Variants in USP25 observed in about 807,000 individuals in gnomAD.
USP25 encodes the protein ubiquitin carboxyl-terminal hydrolase 25.
In USP25, 85 loss-of-function variants were observed where a neutral mutation model predicts 158.5. That is an observed-to-expected ratio of 0.54 (90% CI 0.45 to 0.64). The LOEUF (loss-of-function observed/expected upper bound fraction) is 0.64, where lower values mean the gene tolerates loss of function less well. USP25 is among the 30% of genes least tolerant of loss of function. The pLI is 0.00. For synonymous variants in USP25, 464 were observed against 460.4 expected, an observed-to-expected ratio of 1.01 and a Z score of -0.10; for missense variants, 1,242 against 1,327.3, an observed-to-expected ratio of 0.94 and a Z score of 1.00.
At chr21:15,771,169 G>A (rs900191064) in intron 3 of USP25, among the ~76,000 whole-genome samples, 1 of 152,164 alleles carries the variant, frequency 6.6e-6, no homozygotes, top group East Asian at 1.9e-4. Flanking sequence ...AGGAAAGACA[G>A]TACACAGTAA....
chr21:15,836,524 A>T (rs1334337229), intron 17 of USP25, among the ~76,000 whole-genome samples: 1 of 148,820 alleles, frequency 6.7e-6, no homozygotes, highest in Admixed American at 6.7e-5. Context: ...GATCAGAATG[A>T]GTAGGGGAGC....
intron 20 of USP25, among the ~76,000 whole-genome samples, chr21:15,861,676 ATAGT>A (rs962371820): frequency 5.3e-5 from 8 of 152,166 alleles, no homozygotes; most frequent in East Asian, 3.8e-4. Context: ...TGTGTAAAAA[ATAGT>A]TAAGGAATGC....
At position 15,818,813 on chromosome 21, in the gene USP25, A is replaced by G. The variant is rs912501422; in HGVS notation, c.1047A>G (p.Leu349=). Reference sequence around the variant, plus strand: ...TGATTGAAGGAGAAATTGAGTCTTTACATTCAGAGAATTCAGGAAAATCAG... The same window carrying G: ...TGATTGAAGGAGAAATTGAGTCTTTGCATTCAGAGAATTCAGGAAAATCAG... ...AAMIEGEIES[L]HSENSGKSGQ... Residue 349 remains leucine (L), a synonymous_variant, in exon 10 of 26, where the codon TTA becomes TTG. Coordinates refer to ENST00000400183, the MANE Select transcript of USP25 (RefSeq NM_001283041.3). The G allele has an allele frequency of 6.2e-7, 1 of 1,613,880 alleles. No homozygotes were observed. The highest frequency in any genetic ancestry group is 8.5e-7 in the Non-Finnish European group (1 of 1,179,786).
intron 3 of USP25, among the ~76,000 whole-genome samples, chr21:15,777,667 A>G (rs947202825): frequency 2.6e-5 from 4 of 152,206 alleles, no homozygotes; most frequent in Non-Finnish European, 5.9e-5. Flanking sequence ...AGATTCTTCT[A>G]CAGTGAAATA....
chr21:15,876,540 C>T (rs2040103937), intron 24 of USP25: 1 of 166,752 alleles, frequency 6.0e-6, no homozygotes, highest in South Asian at 1.9e-4. Context: ...ACCTTCATCA[C>T]ATGGTGGCAG....
intron 1 of USP25, among the ~76,000 whole-genome samples, chr21:15,735,338 C>G (rs147037039): frequency 2.5e-4 from 38 of 152,248 alleles, no homozygotes; most frequent in African/African-American, 9.1e-4. Flanking sequence ...TGTACAGTCT[C>G]ATTTTGGTCA....
At chr21:15,815,746 A>G (rs1173737292) in intron 9 of USP25, among the ~76,000 whole-genome samples, 1 of 152,200 alleles carries the variant, frequency 6.6e-6, no homozygotes, top group East Asian at 1.9e-4. Context: ...TCAGTGTTAC[A>G]GTTTTTAGGT....
At chr21:15,757,224 TAACTTA>T (rs961776568) in intron 1 of USP25, among the ~76,000 whole-genome samples, 4 of 152,208 alleles carry the variant, frequency 2.6e-5, no homozygotes, top group African/African-American at 4.8e-5. Flanking sequence ...GTGGCTTCTC[TAACTTA>T]AACTTAGGAT....
At chr21:15,768,793 A>G (rs2034182670) in intron 3 of USP25, among the ~76,000 whole-genome samples, 1 of 152,140 alleles carries the variant, frequency 6.6e-6, no homozygotes, top group African/African-American at 2.4e-5. Context: ...TAATTCTTTC[A>G]AATATGGCAG....
In USP25 at chr21:15,842,297, G is replaced by C. The variant is rs192750143; in HGVS notation, c.2195-101G>C. ...TTACTTTGAATGGAAGACTAAAATTGGTTCTTACATAACTTCAGACATAGA... is the reference window on the plus strand; with the variant it reads ...TTACTTTGAATGGAAGACTAAAATTCGTTCTTACATAACTTCAGACATAGA... On this transcript the variant is annotated intron_variant, in intron 17 of 25. Coordinates refer to ENST00000400183, the MANE Select transcript of USP25 (RefSeq NM_001283041.3). 137 of 1,268,740 alleles carry C rather than the reference G, an allele frequency of 1.1e-4. 1 individual carries two copies. In the East Asian group the frequency reaches 2.1e-3, roughly 19 times the overall value. 78.6% of individuals were successfully genotyped at this position (1,268,740 alleles called of 1,614,324 possible).
chr21:15,775,167 A>G (rs936534046), intron 3 of USP25, among the ~76,000 whole-genome samples: 4 of 152,176 alleles, frequency 2.6e-5, no homozygotes, highest in Admixed American at 2.0e-4. Context: ...ATATTTGGGG[A>G]AAAAACATCT....
chr21:15,786,303 C>T (rs768390223), intron 4 of USP25, among the ~76,000 whole-genome samples: 12 of 152,032 alleles, frequency 7.9e-5, no homozygotes, highest in Non-Finnish European at 1.5e-4. Flanking sequence ...CCAGCATTAC[C>T]CTGATTCAAA....
At chr21:15,749,403 A>G (rs930758618) in intron 1 of USP25, among the ~76,000 whole-genome samples, 7 of 152,134 alleles carry the variant, frequency 4.6e-5, no homozygotes, top group African/African-American at 1.7e-4. Context: ...TTTCTTTGCA[A>G]GCTTTACCTT....
intron 17 of USP25, among the ~76,000 whole-genome samples, chr21:15,841,852 C>T (rs566944688): frequency 2.8e-4 from 42 of 152,174 alleles, no homozygotes; most frequent in African/African-American, 9.6e-4. Flanking sequence ...ATATATAAGT[C>T]TGGAACTCAA....
intron 5 of USP25, among the ~76,000 whole-genome samples, chr21:15,798,060 G>C (rs1424652392): frequency 2.0e-5 from 3 of 151,088 alleles, no homozygotes; most frequent in African/African-American, 7.3e-5. Flanking sequence ...TATCCTTTTT[G>C]GATAAGAGGG....
intron 1 of USP25, among the ~76,000 whole-genome samples, chr21:15,747,196 T>G (rs1229966236): frequency 6.6e-6 from 1 of 152,146 alleles, no homozygotes; most frequent in East Asian, 1.9e-4. Context: ...CTACTTTTGT[T>G]TTTCTATTTA....
chr21:15,746,521 A>G (rs748356296), intron 1 of USP25, among the ~76,000 whole-genome samples: 5 of 151,966 alleles, frequency 3.3e-5, no homozygotes, highest in Non-Finnish European at 4.4e-5. Flanking sequence ...CAGCCTCCCT[A>G]GTAGCTGGGA....
intron 18 of USP25, among the ~76,000 whole-genome samples, chr21:15,845,513 C>T (rs1218634356): frequency 6.6e-6 from 1 of 152,024 alleles, no homozygotes; most frequent in Non-Finnish European, 1.5e-5. Context: ...TCAGCTTTTA[C>T]CCATGTATTT....
At position 15,833,555 on chromosome 21, in the gene USP25, C is replaced by G. The variant is rs780791310; in HGVS notation, c.2194+7C>G. On this transcript the variant is annotated splice_region_variant and intron_variant, in intron 17 of 25. Transcript: ENST00000400183. ...GAGACTTCTGTGACAACAGGTTTGTCCATTTTTATTAAGTTGTGTTTGATT... is the reference window on the plus strand; with the variant it reads ...GAGACTTCTGTGACAACAGGTTTGTGCATTTTTATTAAGTTGTGTTTGATT... The G allele has an allele frequency of 1.8e-5, 29 of 1,607,304 alleles. No homozygotes were observed.
Sources: gnomAD v4.1 joint callset for allele counts (sites outside exome capture counted in the v4.1 genomes callset) on GRCh38, gnomAD v4.1.1 for gene constraint, MANE v1.5 for transcripts, NCBI Gene and HGNC (gene_info 2026-07-23, HGNC 2026-07-21) for gene names.